The following LYPLAL1 variants were observed in gnomAD, a reference collection of about 807,000 sequenced individuals.
LYPLAL1 encodes the protein lysophospholipase-like protein 1.
In LYPLAL1, 23 loss-of-function variants were observed where a neutral mutation model predicts 19.7. The observed-to-expected ratio is 1.17, with a 90% CI of 0.84 to 1.65. LYPLAL1 has a LOEUF of 1.65. Among genes scored for constraint, LYPLAL1 ranks in the 40% most tolerant of loss-of-function variants. LYPLAL1 has a pLI of 0.00. For synonymous variants in LYPLAL1, 119 were observed against 96.3 expected, an observed-to-expected ratio of 1.24 and a Z score of -1.38; for missense variants, 355 against 279.4, an observed-to-expected ratio of 1.27 and a Z score of -1.93.
the LYPLAL1 span, among the ~76,000 whole-genome samples, chr1:219,320,123 T>C: frequency 6.6e-6 from 1 of 152,196 alleles, no homozygotes; most frequent in Non-Finnish European, 1.5e-5. Flanking sequence ...GGTCAGGATG[T>C]CATAGTAGGT....
At chr1:219,199,828 T>C (rs981233938) in intron 3 of LYPLAL1, 6 of 179,618 alleles carry the variant, frequency 3.3e-5, no homozygotes, top group Non-Finnish European at 6.0e-5. Flanking sequence ...TTGCCCAGGC[T>C]GGTCTCGAAT....
chr1:219,178,545 A>G (rs748765115), intron 1 of LYPLAL1, among the ~76,000 whole-genome samples: 11 of 152,212 alleles, frequency 7.2e-5, no homozygotes, highest in Non-Finnish European at 1.5e-4. Context: ...TTTTTTCTGT[A>G]AATACATATA....
chr1:219,252,951 C>T, the LYPLAL1 span, among the ~76,000 whole-genome samples: 2 of 151,978 alleles, frequency 1.3e-5, no homozygotes. Flanking sequence ...ATTACTGATT[C>T]AATTTCAGAG....
the LYPLAL1 span, among the ~76,000 whole-genome samples, chr1:219,406,700 T>G: frequency 6.6e-6 from 1 of 152,208 alleles, no homozygotes; most frequent in Admixed American, 6.5e-5. Context: ...TAACCCATGC[T>G]TTTAGGGATT....
chr1:219,229,318 A>AGAGAGAGAGAGAGAGAGAGAG, the LYPLAL1 span, among the ~76,000 whole-genome samples: 2 of 149,846 alleles, frequency 1.3e-5, no homozygotes, highest in African/African-American at 5.0e-5. Flanking sequence ...AGAGAGAGAG[A>AGAGAGAGAGAGAGAGAGAGAG]GAGAGAGAGA....
the LYPLAL1 span, among the ~76,000 whole-genome samples, chr1:219,222,016 T>G: frequency 6.6e-6 from 1 of 152,136 alleles, no homozygotes; most frequent in African/African-American, 2.4e-5. Context: ...GGATGATAAC[T>G]CACGTGCTAG....
chr1:219,430,310 G>T, the LYPLAL1 span, among the ~76,000 whole-genome samples: 6 of 113,126 alleles, frequency 5.3e-5, no homozygotes, highest in Admixed American at 1.7e-4. Flanking sequence ...AAAAAAAAAA[G>T]CTCTTTTCTA....
Position 219,193,146 on chromosome 1 carries a change from G to A in LYPLAL1, c.256G>A (p.Asp86Asn). 4 of 1,604,210 alleles carry A rather than the reference G, an allele frequency of 2.5e-6. No homozygotes were observed. The highest frequency in any genetic ancestry group is 3.4e-6 in the Non-Finnish European group (4 of 1,173,828). ...VWFDRFKITN[D>N]CPEHLESIDV... ...GTTTGACAGATTTAAAATAACCAATGACTGCCCAGAACACCTTGAATCAAT... is the reference window on the plus strand; with the variant it reads ...GTTTGACAGATTTAAAATAACCAATAACTGCCCAGAACACCTTGAATCAAT... Residue 86 changes from aspartate (D) to asparagine (N), a missense_variant, in exon 3 of 5, where the codon GAC (aspartate) becomes AAC (asparagine). Physicochemically the swap from Asp to Asn is conservative, Grantham distance 23. Coordinates refer to ENST00000366928, the MANE Select transcript of LYPLAL1 (RefSeq NM_138794.5).
At chr1:219,214,451 A>T (rs1659214606), downstream of LYPLAL1, among the ~76,000 whole-genome samples, 1 of 151,866 alleles carries the variant, frequency 6.6e-6, no homozygotes, top group Non-Finnish European at 1.5e-5. Flanking sequence ...ATTGCTATTA[A>T]TTTTTCCTTA....
the LYPLAL1 span, among the ~76,000 whole-genome samples, chr1:219,314,194 A>G: frequency 6.6e-6 from 1 of 152,236 alleles, no homozygotes; most frequent in Non-Finnish European, 1.5e-5. Context: ...TCCATTGTGC[A>G]TATGTACCAC....
intron 3 of LYPLAL1, among the ~76,000 whole-genome samples, chr1:219,205,585 A>G (rs1301492174): frequency 6.6e-6 from 1 of 152,182 alleles, no homozygotes; most frequent in Non-Finnish European, 1.5e-5. Context: ...ATTTTGTACA[A>G]GAAACTTTTG....
chr1:219,265,812 T>TAAAA, the LYPLAL1 span, among the ~76,000 whole-genome samples: 1 of 152,176 alleles, frequency 6.6e-6, no homozygotes, highest in Non-Finnish European at 1.5e-5. Context: ...TACTGAATAC[T>TAAAA]GTAGGCACTT....
At chr1:219,226,452 C>G in the LYPLAL1 span, among the ~76,000 whole-genome samples, 2 of 152,208 alleles carry the variant, frequency 1.3e-5, no homozygotes, top group African/African-American at 4.8e-5. Context: ...TTGGAAGACA[C>G]TGATCATCGG....
the LYPLAL1 span, among the ~76,000 whole-genome samples, chr1:219,368,928 T>C: frequency 3.3e-5 from 5 of 152,234 alleles, no homozygotes; most frequent in Non-Finnish European, 7.3e-5. Context: ...TACACGAATA[T>C]TTTTTCCAAC....
At chr1:219,271,259 AGT>A in the LYPLAL1 span, 2 of 152,148 alleles carry the variant, frequency 1.3e-5, no homozygotes, top group Non-Finnish European at 2.9e-5. Flanking sequence ...GGCACTGTTA[AGT>A]GACATTTTTG....
chr1:219,233,926 A>G, the LYPLAL1 span, among the ~76,000 whole-genome samples: 1 of 152,226 alleles, frequency 6.6e-6, no homozygotes, highest in Non-Finnish European at 1.5e-5. Context: ...CATAGGGAAA[A>G]GAAGCTGTGA....
At chr1:219,384,496 A>G in the LYPLAL1 span, among the ~76,000 whole-genome samples, 1 of 152,198 alleles carries the variant, frequency 6.6e-6, no homozygotes, top group Non-Finnish European at 1.5e-5. Flanking sequence ...CTCTGTTTAT[A>G]TATTCTTGTT....
the LYPLAL1 span, among the ~76,000 whole-genome samples, chr1:219,259,395 C>T: frequency 1.8e-4 from 18 of 100,594 alleles, no homozygotes; most frequent in Non-Finnish European, 3.0e-4. Flanking sequence ...ATAAAGAAAA[C>T]GTGGTATATA....
At chr1:219,174,892 C>T in intron 1 of LYPLAL1, 19 of 985,414 alleles carry the variant, frequency 1.9e-5, no homozygotes, top group Non-Finnish European at 2.2e-5. Context: ...TGGAAGATCA[C>T]AAGACGGTGC....
Sources: gnomAD v4.1 joint callset for allele counts (sites outside exome capture counted in the v4.1 genomes callset) on GRCh38, gnomAD v4.1.1 for gene constraint, MANE v1.5 for transcripts, NCBI Gene and HGNC (gene_info 2026-07-23, HGNC 2026-07-21) for gene names.